TNIK: variants seen among roughly 807,000 people sequenced by gnomAD.
The protein encoded by TNIK is TRAF2 and NCK-interacting protein kinase.
A neutral mutation model predicts 191.3 loss-of-function variants in TNIK; 49 were observed. That is an observed-to-expected ratio of 0.26 (90% CI 0.20 to 0.32). The LOEUF (loss-of-function observed/expected upper bound fraction) is 0.32. Ranked by LOEUF, TNIK falls within the 10% of genes least tolerant of loss-of-function variation. The probability of loss-of-function intolerance (pLI) is 1.00; values close to 1 mark genes in which losing one functional copy is unlikely to be tolerated. For synonymous variants in TNIK, 594 were observed against 600.9 expected (o/e 0.99, Z 0.17); for missense variants, 1,155 against 1,702.3 (o/e 0.68, Z 5.66).
chr3:171,374,478 G>T (rs1716951119), intron 1 of TNIK, among the ~76,000 whole-genome samples: 1 of 152,162 alleles, frequency 6.6e-6, no homozygotes, highest in Admixed American at 6.5e-5. Flanking sequence ...TGTTTGCTTA[G>T]CTGCTCTTAA....
At chr3:171,188,492 T>A (rs550189115) in intron 7 of TNIK, among the ~76,000 whole-genome samples, 61 of 152,330 alleles carry the variant, frequency 4.0e-4, no homozygotes, top group Admixed American at 1.3e-3. Flanking sequence ...TTATTTATTT[T>A]TTTATTTTTT....
chr3:171,068,777 C>T lies in TNIK; in HGVS notation c.3699+71G>A, dbSNP rs189712690. The T allele has an allele frequency of 2.3e-4, 331 of 1,467,044 alleles. 1 individual carries two copies. In the Middle Eastern group the frequency reaches 4.2e-3, roughly 19 times the overall value. 90.9% of individuals were successfully genotyped at this position (1,467,044 alleles called of 1,614,324 possible). On this transcript the variant is annotated intron_variant, in intron 30 of 32. Transcript: ENST00000436636. ...GTGCATGACTTCTACTAAAACTATG[C>T]AAAACAAATCTCTTTCTACATGCAG...
chr3:171,107,657 TAGC>T (rs1725126867), intron 20 of TNIK, among the ~76,000 whole-genome samples: 2 of 152,074 alleles, frequency 1.3e-5, no homozygotes, highest in Admixed American at 1.3e-4. Context: ...GCATGAAAAA[TAGC>T]AGAAAAACTG....
At chr3:171,270,454 A>G (rs1748949729) in intron 2 of TNIK, among the ~76,000 whole-genome samples, 2 of 152,200 alleles carry the variant, frequency 1.3e-5, no homozygotes, top group South Asian at 4.1e-4. Context: ...AAGAGGCCAG[A>G]GAGAAAATGC....
chr3:171,303,968 A>C (rs1383516391), intron 2 of TNIK, among the ~76,000 whole-genome samples: 1 of 151,472 alleles, frequency 6.6e-6, no homozygotes, highest in Non-Finnish European at 1.5e-5. Context: ...CTGAAGAACA[A>C]GACAGCCAAC....
intron 2 of TNIK, among the ~76,000 whole-genome samples, chr3:171,344,205 C>T (rs1389874304): frequency 2.6e-5 from 4 of 152,168 alleles, no homozygotes; most frequent in African/African-American, 2.4e-5. Context: ...TTTACGTTCA[C>T]ATTTCTGGGA....
At position 171,166,614 on chromosome 3, in the gene TNIK, T is replaced by A. The variant is rs192059247; in HGVS notation, c.949+481A>T. ...CAAGCCTGGCAACCTAATGATCTTT[T>A]CTATCACTGCAACTATAAAAAAATT... On this transcript the variant is annotated intron_variant, in intron 10 of 32. Coordinates refer to ENST00000436636, the MANE Select transcript of TNIK (RefSeq NM_015028.4). Among the ~76,000 whole-genome samples the A allele has an allele frequency of 1.8e-3, 278 of 152,330 alleles. 2 individuals carry two copies. Among genetic ancestry groups the A allele is most frequent in the African/African-American group, 6.3e-3 (262 of 41,578 alleles).
At chr3:171,143,528 G>GA (rs1202955025) in intron 12 of TNIK, among the ~76,000 whole-genome samples, 1 of 152,190 alleles carries the variant, frequency 6.6e-6, no homozygotes, top group African/African-American at 2.4e-5. Context: ...AAACTTGAGG[G>GA]AAAAGACAAC....
At chr3:171,372,253 G>A (rs539226244) in intron 1 of TNIK, among the ~76,000 whole-genome samples, 1 of 152,332 alleles carries the variant, frequency 6.6e-6, no homozygotes, top group East Asian at 1.9e-4. Context: ...AAACTGCTAG[G>A]AGAAGGTTTT....
intron 2 of TNIK, among the ~76,000 whole-genome samples, chr3:171,291,856 T>C (rs1751715180): frequency 6.6e-6 from 1 of 152,176 alleles, no homozygotes; most frequent in East Asian, 1.9e-4. Context: ...TTCTGAAACC[T>C]TAAACACATA....
intron 2 of TNIK, among the ~76,000 whole-genome samples, chr3:171,322,607 C>T (rs757855892): frequency 6.6e-6 from 1 of 152,080 alleles, no homozygotes; most frequent in Non-Finnish European, 1.5e-5. Flanking sequence ...TCACACGTAA[C>T]TTGAAAACTT....
Position 171,138,223 on chromosome 3 carries a change from T to G in TNIK, c.1576A>C (p.Ser526Arg), listed in dbSNP as rs1258105468. The change falls in exon 15 of 33, where the codon AGT becomes CGT. Residue 526 changes from serine to arginine, a missense_variant. Coordinates refer to ENST00000436636, the MANE Select transcript of TNIK (RefSeq NM_015028.4). ...GCCCATGCTGGCTTCTCACTAGGAC[T>G]CATTCCTTCTTTGTAATGGTACAGT... ...KPLYHYKEGM[S>R]PSEKPAWAKE... is the part of the protein sequence containing the mutation. 1 of 1,611,810 alleles carries G rather than the reference T, an allele frequency of 6.2e-7. No individual in the cohort carries two copies. Among genetic ancestry groups the G allele is most frequent in the Non-Finnish European group, 8.5e-7 (1 of 1,179,320 alleles).
At chr3:171,216,087 C>T (rs1206142019) in intron 3 of TNIK, among the ~76,000 whole-genome samples, 2 of 152,200 alleles carry the variant, frequency 1.3e-5, no homozygotes, top group Non-Finnish European at 2.9e-5. Context: ...CTGTCATTCT[C>T]ACCTTCAGCA....
At chr3:171,459,180 G>T (rs1346933843) in intron 1 of TNIK, among the ~76,000 whole-genome samples, 1 of 151,982 alleles carries the variant, frequency 6.6e-6, no homozygotes, top group Non-Finnish European at 1.5e-5. Context: ...GGGGAGGGAG[G>T]TGCTCTACAA....
intron 10 of TNIK, among the ~76,000 whole-genome samples, chr3:171,164,757 C>G (rs1734403144): frequency 6.6e-6 from 1 of 152,156 alleles, no homozygotes; most frequent in Non-Finnish European, 1.5e-5. Context: ...ATGGAGTAGC[C>G]CAAGACCACC....
chr3:171,217,844 A>G (rs1005654968), intron 3 of TNIK, among the ~76,000 whole-genome samples: 8 of 152,126 alleles, frequency 5.3e-5, no homozygotes, highest in Non-Finnish European at 1.2e-4. Context: ...TGGGAAGAAA[A>G]AAAGAGAAAA....
At chr3:171,180,660 C>T (rs1736541116) in intron 7 of TNIK, among the ~76,000 whole-genome samples, 1 of 152,124 alleles carries the variant, frequency 6.6e-6, no homozygotes, top group South Asian at 2.1e-4. Flanking sequence ...CTAGCCAAAC[C>T]TTTCACTTCA....
intron 4 of TNIK, among the ~76,000 whole-genome samples, chr3:171,202,110 C>A (rs561843277): frequency 6.6e-6 from 1 of 152,090 alleles, no homozygotes; most frequent in Non-Finnish European, 1.5e-5. Context: ...AGAGTCAGTA[C>A]GATAGCATTT....
chr3:171,254,672 A>G (rs946173497), intron 2 of TNIK, among the ~76,000 whole-genome samples: 1 of 152,090 alleles, frequency 6.6e-6, no homozygotes, highest in African/African-American at 2.4e-5. Context: ...ATACAGATAC[A>G]TGTGTCTATC....
Sources: allele counts gnomAD v4.1 joint callset (sites outside exome capture counted in the v4.1 genomes callset), GRCh38; gene constraint gnomAD v4.1.1; transcripts MANE v1.5; gene names NCBI Gene and HGNC (gene_info 2026-07-23, HGNC 2026-07-21).